SESTD1: variants seen among roughly 807,000 people sequenced by gnomAD.
SESTD1 encodes the protein SEC14 and spectrin domain containing 1, also known as SEC14 domain and spectrin repeat-containing protein 1.
In SESTD1, 43 loss-of-function variants were observed where a neutral mutation model predicts 101.7. The observed-to-expected ratio is 0.42, with a 90% CI of 0.33 to 0.55. SESTD1 has a LOEUF of 0.55. Ranked by LOEUF, SESTD1 falls within the 20% of genes least tolerant of loss-of-function variation. The pLI, the probability that SESTD1 is intolerant of heterozygous loss-of-function variation, is 0.07. For synonymous variants in SESTD1, 283 were observed against 286.8 expected, an observed-to-expected ratio of 0.99 and a Z score of 0.13; for missense variants, 647 against 815.1, an observed-to-expected ratio of 0.79 and a Z score of 2.51.
intron 3 of SESTD1, among the ~76,000 whole-genome samples, chr2:179,181,749 A>G (rs1294919476): frequency 1.3e-5 from 2 of 152,154 alleles, no homozygotes; most frequent in Non-Finnish European, 2.9e-5. Context: ...GAATCCATCT[A>G]TGAATATTTT....
intron 1 of SESTD1, among the ~76,000 whole-genome samples, chr2:179,262,805 G>C (rs939229111): frequency 6.6e-6 from 1 of 152,120 alleles, no homozygotes; most frequent in African/African-American, 2.4e-5. Flanking sequence ...TATATCATTA[G>C]TAGATTACCT....
At chr2:179,253,418 T>C (rs559997683) in intron 1 of SESTD1, among the ~76,000 whole-genome samples, 1 of 152,298 alleles carries the variant, frequency 6.6e-6, no homozygotes, top group East Asian at 1.9e-4. Context: ...TTTTGACAAA[T>C]GAACCACAGT....
Position 179,201,958 on chromosome 2 carries a change from A to AT in SESTD1, c.-25-10093_-25-10092insA, listed in dbSNP as rs2046524301. ...AATAATAATAATAATAATAATAATA[A>AT]AGAAAGAGGAATGCTTAGGACAAGT... On this transcript the variant is annotated intron_variant, in intron 1 of 17. Transcript: ENST00000428443. Among the ~76,000 whole-genome samples, 4 of 128,466 alleles carry AT rather than the reference A, an allele frequency of 3.1e-5. 1 individual carries two copies. Among genetic ancestry groups the AT allele is most frequent in the African/African-American group, 9.2e-5 (3 of 32,458 alleles). The allele number at this position is 128,466 out of a possible 152,430, so 84.3% of individuals were successfully genotyped here.
intron 5 of SESTD1, among the ~76,000 whole-genome samples, chr2:179,169,629 T>C (rs773357587): frequency 6.6e-6 from 1 of 152,130 alleles, no homozygotes; most frequent in African/African-American, 2.4e-5. Context: ...AGAATACTTA[T>C]TCTGGGAATC....
chr2:179,232,171 C>T (rs145563642), intron 1 of SESTD1, among the ~76,000 whole-genome samples: 4 of 151,934 alleles, frequency 2.6e-5, no homozygotes, highest in African/African-American at 9.7e-5. Flanking sequence ...ACACTCTGAT[C>T]ATAATTCTAA....
At position 179,115,130 on chromosome 2, in the gene SESTD1, T is replaced by C. The variant is rs890262371; in HGVS notation, c.1774A>G (p.Ile592Val). ...CTATGTACTCTCTCTTCAGATGCTATTGTAAATTGTTTCCATACTCTGTTC... is the reference window on the plus strand; with the variant it reads ...CTATGTACTCTCTCTTCAGATGCTACTGTAAATTGTTTCCATACTCTGTTC... ...RLNRVWKQFT[I>V]ASEERVHRLE... Residue 592 changes from isoleucine to valine, a missense_variant, in exon 16 of 18, where the codon ATA (isoleucine) becomes GTA (valine). Ile to Val is a conservative substitution (Grantham distance 29). Transcript: ENST00000428443. 1.9e-6 allele frequency: 3 copies of C among 1,613,554 alleles called. No individual in the cohort carries two copies. Among genetic ancestry groups the C allele is most frequent in the Non-Finnish European group, 2.5e-6 (3 of 1,179,854 alleles).
At chr2:179,119,868 G>A (rs571991483) in intron 13 of SESTD1, among the ~76,000 whole-genome samples, 12 of 152,044 alleles carry the variant, frequency 7.9e-5, no homozygotes, top group African/African-American at 2.7e-4. Flanking sequence ...GTTTCCTGAG[G>A]TTTCCCCAGC....
Position 179,199,757 on chromosome 2 carries a change from C to G in SESTD1, c.-25-7891G>C, listed in dbSNP as rs570210173. On this transcript the variant is annotated intron_variant, in intron 1 of 17. Coordinates refer to ENST00000428443, the MANE Select transcript of SESTD1 (RefSeq NM_178123.5). ...AAGGCCTTTGACAAAATTCAACAAC[C>G]CTTCATGCTAAAAACTCTCAATAAA... Among the ~76,000 whole-genome samples the G allele has an allele frequency of 6.2e-3, 951 of 152,220 alleles. 8 individuals are homozygous for G. The highest frequency in any genetic ancestry group is 7.4e-3 in the Non-Finnish European group (502 of 68,006).
chr2:179,197,242 G>A (rs1190536735), intron 1 of SESTD1, among the ~76,000 whole-genome samples: 2 of 151,944 alleles, frequency 1.3e-5, no homozygotes, highest in Non-Finnish European at 2.9e-5. Flanking sequence ...AATGAAGCGA[G>A]AAGGGAAATT....
chr2:179,263,955 C>T (rs1357562650), intron 1 of SESTD1: 1 of 152,250 alleles, frequency 6.6e-6, no homozygotes, highest in Non-Finnish European at 1.5e-5. Context: ...CCTGGGGCCT[C>T]GAGCCCGTGT....
intron 5 of SESTD1, among the ~76,000 whole-genome samples, chr2:179,157,493 T>A (rs1212644969): frequency 5.3e-5 from 8 of 152,078 alleles, no homozygotes; most frequent in African/African-American, 1.7e-4. Flanking sequence ...AATAACAGTG[T>A]CATTGTTTCT....
At chr2:179,156,697 A>C (rs1373967549) in intron 5 of SESTD1, among the ~76,000 whole-genome samples, 1 of 151,846 alleles carries the variant, frequency 6.6e-6, no homozygotes, top group Non-Finnish European at 1.5e-5. Flanking sequence ...TGCTGATTTG[A>C]GTTCATTGTA....
chr2:179,227,959 A>T (rs956523871), intron 1 of SESTD1, among the ~76,000 whole-genome samples: 4 of 152,126 alleles, frequency 2.6e-5, no homozygotes, highest in Admixed American at 2.6e-4. Flanking sequence ...GATATGCCAA[A>T]ATTATTCCAC....
chr2:179,149,059 C>CAAA lies in SESTD1; in HGVS notation c.581+235_581+237dup, dbSNP rs66636048. 5.5e-3 allele frequency among the ~76,000 whole-genome samples: 335 copies of CAAA among 60,430 alleles called. 11 individuals carry two copies. Among genetic ancestry groups the CAAA allele is most frequent in the Admixed American group, 0.022 (74 of 3,410 alleles). 39.6% of individuals were successfully genotyped at this position (60,430 alleles called of 152,430 possible). A position where few individuals can be genotyped will look rare whatever the true frequency, so the allele number is the denominator to read the frequency against. ...TGGGTGACAGAGCAAGACTCCGTCTCAAAAAAAAAAAAAAAAAAAAAAAAA... is the reference window on the plus strand; with the variant it reads ...TGGGTGACAGAGCAAGACTCCGTCTCAAAAAAAAAAAAAAAAAAAAAAAAAAAA... On this transcript the variant is annotated intron_variant, in intron 7 of 17. Coordinates refer to ENST00000428443, the MANE Select transcript of SESTD1 (RefSeq NM_178123.5).
chr2:179,195,849 T>TAA (rs779869254), intron 1 of SESTD1, among the ~76,000 whole-genome samples: 6 of 137,510 alleles, frequency 4.4e-5, no homozygotes, highest in South Asian at 2.3e-4. Context: ...GAAGGTTATT[T>TAA]AAAAAAAAAA....
At position 179,197,969 on chromosome 2, in the gene SESTD1, T is replaced by C. The variant is rs1406425673; in HGVS notation, c.-25-6103A>G. 2.6e-5 allele frequency among the ~76,000 whole-genome samples: 4 copies of C among 151,888 alleles called. 1 individual carries two copies. In the South Asian group the frequency reaches 6.3e-4, roughly 24 times the overall value. ...AATTCACACATAACAATATTAACTT[T>C]AAATGTAAATGGACTAAATGCTCCA... On this transcript the variant is annotated intron_variant, in intron 1 of 17. Coordinates refer to ENST00000428443, the MANE Select transcript of SESTD1 (RefSeq NM_178123.5).
intron 5 of SESTD1, among the ~76,000 whole-genome samples, chr2:179,164,384 C>A (rs1311840096): frequency 2.0e-5 from 3 of 152,114 alleles, no homozygotes; most frequent in Non-Finnish European, 4.4e-5. Flanking sequence ...AAATAAACAA[C>A]ACTTTAATGA....
rs189989755 is a variant in SESTD1, at chr2:179,243,944, G to A, written c.-26+20555C>T. ...ATTAAAAATATATATATATGTGTGT[G>A]TATATATATATATATATACACACAC... is the stretch of plus-strand genomic sequence containing the variant. On this transcript the variant is annotated intron_variant, in intron 1 of 17. Coordinates refer to ENST00000428443, the MANE Select transcript of SESTD1 (RefSeq NM_178123.5). Among the ~76,000 whole-genome samples the A allele has an allele frequency of 2.9e-3, 410 of 139,396 alleles. 1 individual carries two copies. Among genetic ancestry groups the A allele is most frequent in the Admixed American group, 6.8e-3 (96 of 14,164 alleles). The allele number at this position is 139,396 out of a possible 152,430, so 91.4% of individuals were successfully genotyped here.
In SESTD1 at chr2:179,123,833, A is replaced by C; in HGVS notation, c.1168-4T>G. On this transcript the variant is annotated splice_polypyrimidine_tract_variant and splice_region_variant and intron_variant, in intron 11 of 17. Transcript: ENST00000428443. Reference sequence around the variant, plus strand: ...AGCCATCCAACTGCTGAGACAACTAAAGCAGAGGGACACCAAAGAGATAAC... The same window carrying C: ...AGCCATCCAACTGCTGAGACAACTACAGCAGAGGGACACCAAAGAGATAAC... 1.2e-6 allele frequency: 2 copies of C among 1,604,614 alleles called. No homozygotes were observed. The highest frequency in any genetic ancestry group is 1.7e-6 in the Non-Finnish European group (2 of 1,171,670).
Sources: allele counts gnomAD v4.1 joint callset (sites outside exome capture counted in the v4.1 genomes callset), GRCh38; gene constraint gnomAD v4.1.1; transcripts MANE v1.5; gene names NCBI Gene and HGNC (gene_info 2026-07-23, HGNC 2026-07-21).